ATG7: variants seen among roughly 807,000 people sequenced by gnomAD.
The protein encoded by ATG7 is ubiquitin-like modifier-activating enzyme ATG7.
In ATG7, 70 loss-of-function variants were observed where a neutral mutation model predicts 82.4. The observed-to-expected ratio is 0.85, with a 90% CI of 0.70 to 1.04. The LOEUF is 1.04. Among genes scored for constraint, ATG7 ranks in the 50% least tolerant of loss-of-function variants. The pLI is 0.00. For missense variants in ATG7, 792 were observed against 864.3 expected, an observed-to-expected ratio of 0.92 and a Z score of 1.05; for synonymous variants, 287 against 313.0, an observed-to-expected ratio of 0.92 and a Z score of 0.88.
At chr3:11,430,712 A>G (rs895169236) in intron 20 of ATG7, among the ~76,000 whole-genome samples, 1 of 152,230 alleles carries the variant, frequency 6.6e-6, no homozygotes, top group Non-Finnish European at 1.5e-5. Flanking sequence ...CTCATAGTCT[A>G]GTGTGAGAAG....
At chr3:11,430,831 A>C (rs1330546635) in intron 20 of ATG7, among the ~76,000 whole-genome samples, 2 of 152,250 alleles carry the variant, frequency 1.3e-5, no homozygotes, top group Non-Finnish European at 2.9e-5. Context: ...ATGTCAAGAA[A>C]AGCTTCACAG....
At chr3:11,499,258 CTAT>C (rs2091126807) in intron 20 of ATG7, among the ~76,000 whole-genome samples, 1 of 4,558 alleles carries the variant, frequency 2.2e-4, no homozygotes, top group Non-Finnish European at 4.1e-4. Context: ...CCACATTCCT[CTAT>C]CCTTTCCTGT....
chr3:11,558,933 C>T (rs908118589), downstream of ATG7: 49 of 1,357,112 alleles, frequency 3.6e-5, no homozygotes, highest in South Asian at 1.7e-4. Flanking sequence ...CTGGCTGCCA[C>T]GGTCAGCGTG....
At chr3:11,511,844 A>G (rs1042701554) in intron 20 of ATG7, among the ~76,000 whole-genome samples, 7 of 152,176 alleles carry the variant, frequency 4.6e-5, no homozygotes, top group African/African-American at 1.4e-4. Flanking sequence ...CCCAGGTGCT[A>G]AGTCCCCCAC....
the ATG7 span, among the ~76,000 whole-genome samples, chr3:11,575,890 G>A: frequency 5.3e-5 from 8 of 152,180 alleles, no homozygotes; most frequent in East Asian, 1.9e-4. Flanking sequence ...TTCCAGACCC[G>A]TTGCCTCTAG....
intron 20 of ATG7, among the ~76,000 whole-genome samples, chr3:11,430,713 G>A (rs1258707057): frequency 6.6e-6 from 1 of 152,196 alleles, no homozygotes; most frequent in East Asian, 1.9e-4. Context: ...TCATAGTCTA[G>A]TGTGAGAAGC....
chr3:11,460,299 G>A (rs963859647), intron 20 of ATG7, among the ~76,000 whole-genome samples: 8 of 152,142 alleles, frequency 5.3e-5, no homozygotes, highest in Non-Finnish European at 8.8e-5. Context: ...TTGTCCTTCG[G>A]TATCTTATCT....
At position 11,299,312 on chromosome 3, in the gene ATG7, C is replaced by T. The variant is rs7635473; in HGVS notation, c.161-50C>T. On this transcript the variant is annotated intron_variant, in intron 4 of 20. Transcript: ENST00000693202. ...TATTCATAAGCATTTTTGTTATGAA[C>T]GCTGCTATTTCTGACTTGTCATTGA... 5.1e-3 allele frequency: 7,924 copies of T among 1,541,222 alleles called. 157 individuals are homozygous for T. In the African/African-American group the frequency reaches 0.06, roughly 12 times the overall value.
chr3:11,448,785 G>A lies in ATG7; in HGVS notation c.2079+21859G>A, dbSNP rs796656985. 6.6e-5 allele frequency among the ~76,000 whole-genome samples: 10 copies of A among 152,250 alleles called. 1 individual carries two copies. The highest frequency in any genetic ancestry group is 2.4e-4 in the African/African-American group (10 of 41,542). On this transcript the variant is annotated intron_variant, in intron 20 of 20. Coordinates refer to ENST00000693202, the MANE Select transcript of ATG7 (RefSeq NM_001349232.2). The stretch of plus-strand genomic sequence containing the variant: ...CATCAGTAAACGGGGCAGTGGGGTG[G>A]GTAAGGGGGTCGCTGTTCCAATATG...
At chr3:11,303,549 T>C (rs1311997786) in intron 5 of ATG7, among the ~76,000 whole-genome samples, 1 of 150,856 alleles carries the variant, frequency 6.6e-6, no homozygotes, top group East Asian at 2.0e-4. Context: ...GCGCCTGTAG[T>C]CCCAGCTGCT....
chr3:11,507,169 C>T (rs1167236885), intron 20 of ATG7, among the ~76,000 whole-genome samples: 1 of 152,094 alleles, frequency 6.6e-6, no homozygotes, highest in East Asian at 1.9e-4. Flanking sequence ...GTAGTGCCAG[C>T]TACTCAGGAG....
chr3:11,324,270 A>G, intron 9 of ATG7, among the ~76,000 whole-genome samples: 1 of 152,300 alleles, frequency 6.6e-6, no homozygotes, highest in Admixed American at 6.5e-5. Context: ...TTTTTAAAAA[A>G]TTCTGTTTAA....
intron 3 of ATG7, among the ~76,000 whole-genome samples, chr3:11,282,905 T>C (rs915608626): frequency 6.6e-6 from 1 of 152,206 alleles, no homozygotes; most frequent in African/African-American, 2.4e-5. Context: ...TAAGAACATA[T>C]GCTGTTTGTC....
At position 11,347,950 on chromosome 3, in the gene ATG7, T is replaced by C; in HGVS notation, c.1199T>C (p.Leu400Pro). ...ISYSNPVRQP[L>P]YEFEDCLGGG... Reference sequence around the variant, plus strand: ...TACTCCAATCCTGTGAGGCAGCCTCTCTATGAGTTTGAAGATTGCCTAGGG... The same window carrying C: ...TACTCCAATCCTGTGAGGCAGCCTCCCTATGAGTTTGAAGATTGCCTAGGG... The change falls in exon 14 of 21, where the codon CTC becomes CCC. Residue 400 changes from leucine (L) to proline (P), a missense_variant. Coordinates refer to ENST00000693202, the MANE Select transcript of ATG7 (RefSeq NM_001349232.2). 1 of 1,614,178 alleles carries C rather than the reference T, an allele frequency of 6.2e-7. No homozygotes were observed.
chr3:11,491,607 C>G (rs2090362257), intron 20 of ATG7, among the ~76,000 whole-genome samples: 1 of 152,110 alleles, frequency 6.6e-6, no homozygotes, highest in Non-Finnish European at 1.5e-5. Flanking sequence ...GTGGTTTTAT[C>G]TACTTTTGGT....
chr3:11,460,872 T>C (rs2086237142), intron 20 of ATG7, among the ~76,000 whole-genome samples: 1 of 152,242 alleles, frequency 6.6e-6, no homozygotes, highest in Non-Finnish European at 1.5e-5. Context: ...ACCCTAACCC[T>C]GATTCCATCC....
At chr3:11,551,712 G>A (rs897264292) in intron 20 of ATG7, among the ~76,000 whole-genome samples, 7 of 151,794 alleles carry the variant, frequency 4.6e-5, no homozygotes, top group African/African-American at 1.2e-4. Flanking sequence ...TTACAGGCAC[G>A]AGCCGCTGTG....
intron 1 of ATG7, among the ~76,000 whole-genome samples, chr3:11,278,359 TA>T (rs1219848539): frequency 1.3e-5 from 2 of 152,240 alleles, no homozygotes; most frequent in African/African-American, 4.8e-5. Flanking sequence ...TAAGAAATTA[TA>T]AAAGTATTAT....
Position 11,389,371 on chromosome 3 carries a change from G to C in ATG7, c.1956+9319G>C, listed in dbSNP as rs567916329. Among the ~76,000 whole-genome samples the C allele has an allele frequency of 2.1e-5, 3 of 143,672 alleles. No homozygotes were observed. The East Asian group carries it at 6.6e-4, about 32-fold the overall frequency. The allele number at this position is 143,672 out of a possible 152,430, so 94.3% of individuals were successfully genotyped here. On this transcript the variant is annotated intron_variant, in intron 19 of 20. Coordinates refer to ENST00000693202, the MANE Select transcript of ATG7 (RefSeq NM_001349232.2). ...TGATATGGATATGAACTTAATCATAGTTTTCTAGAGTGTCTGACCTTCTCT... is the reference window on the plus strand; with the variant it reads ...TGATATGGATATGAACTTAATCATACTTTTCTAGAGTGTCTGACCTTCTCT...
Sources: gnomAD v4.1 joint callset for allele counts (sites outside exome capture counted in the v4.1 genomes callset) on GRCh38, gnomAD v4.1.1 for gene constraint, MANE v1.5 for transcripts, NCBI Gene and HGNC (gene_info 2026-07-23, HGNC 2026-07-21) for gene names.